ICA1: variants seen among roughly 807,000 people sequenced by gnomAD.
The protein encoded by ICA1 is 69 kDa islet cell autoantigen.
Under a neutral mutation model 71.0 loss-of-function variants are expected in ICA1, and 40 were observed. The ratio of observed to expected loss-of-function variants is 0.56; its 90% confidence interval spans 0.44 to 0.73. The LOEUF is 0.73. ICA1 is among the 30% of genes least tolerant of loss of function. ICA1 has a pLI of 0.00. For synonymous variants in ICA1, 207 were observed against 209.5 expected (o/e 0.99, Z 0.10); for missense variants, 578 against 576.5 (o/e 1.00, Z -0.03).
rs754151046 is a variant in ICA1, at chr7:8,158,533, T to C, written c.699A>G (p.Thr233=). Residue 233 remains threonine (T), a synonymous_variant, in exon 7 of 14, where the codon ACA becomes ACG. Transcript: ENST00000402384. ...ACAAACATTATTTTGTTACCTGGTA[T>C]GTTGCTAGCATGTGAGACAAGAGAT... ...RCNLLSHMLA[T]YQTTLLHFWE... The C allele has an allele frequency of 2.5e-6, 4 of 1,613,938 alleles. No individual in the cohort carries two copies. The highest frequency in any genetic ancestry group is 1.3e-5 in the African/African-American group (1 of 74,942).
chr7:8,232,805 G>A (rs770271145), intron 2 of ICA1, 50 bp from the exon 3 acceptor site: 38 of 1,416,330 alleles, frequency 2.7e-5, no homozygotes, highest in Non-Finnish European at 3.2e-5. Flanking sequence ...TAAAGATTAA[G>A]ATATTTTAGT....
intron 13 of ICA1, among the ~76,000 whole-genome samples, chr7:8,126,215 G>C (rs992979273): frequency 3.3e-5 from 5 of 152,228 alleles, no homozygotes; most frequent in African/African-American, 9.6e-5. Context: ...GAGGATCTGA[G>C]TGGGGTTCGT....
In ICA1 at chr7:8,247,950, C is replaced by G. The variant is rs1219898769; in HGVS notation, c.-79-11945G>C. Among the ~76,000 whole-genome samples, 3 of 152,154 alleles carry G rather than the reference C, an allele frequency of 2.0e-5. No homozygotes were observed. The East Asian group carries it at 5.8e-4, about 29-fold the overall frequency. ...ACCAGTTTTCAATACCTTGTTCTTT[C>G]ATACACTAAAACTTATCAGGCAGCA... On this transcript the variant is annotated intron_variant, in intron 1 of 13. Coordinates refer to ENST00000402384, the MANE Select transcript of ICA1 (RefSeq NM_001136020.3).
chr7:8,245,509 G>C (rs1805651019), intron 1 of ICA1, among the ~76,000 whole-genome samples: 1 of 152,054 alleles, frequency 6.6e-6, no homozygotes, highest in Admixed American at 6.5e-5. Flanking sequence ...GTATACTTAT[G>C]TAATGAGCCT....
At chr7:8,189,772 G>A (rs1322972089) in intron 6 of ICA1, among the ~76,000 whole-genome samples, 1 of 151,586 alleles carries the variant, frequency 6.6e-6, no homozygotes, top group Non-Finnish European at 1.5e-5. Context: ...AGTGTGGGGA[G>A]GGGGCTGGGC....
At chr7:8,190,344 G>A (rs1232363079) in intron 6 of ICA1, among the ~76,000 whole-genome samples, 2 of 151,990 alleles carry the variant, frequency 1.3e-5, no homozygotes, top group South Asian at 2.1e-4. Flanking sequence ...TCCAAGAGAT[G>A]ATCTCTTTCC....
At chr7:8,235,277 G>C (rs1433505509) in intron 2 of ICA1, among the ~76,000 whole-genome samples, 5 of 152,162 alleles carry the variant, frequency 3.3e-5, no homozygotes, top group Non-Finnish European at 7.4e-5. Flanking sequence ...CTGCTTGCTT[G>C]GTGGGTCATG....
chr7:8,131,911 G>A (rs1230674244), intron 12 of ICA1, among the ~76,000 whole-genome samples: 4 of 152,220 alleles, frequency 2.6e-5, no homozygotes, highest in African/African-American at 9.6e-5. Context: ...CTCCCAACTG[G>A]AGTCAGGGCT....
intron 6 of ICA1, among the ~76,000 whole-genome samples, chr7:8,172,435 T>A (rs758579901): frequency 2.0e-5 from 3 of 152,162 alleles, no homozygotes; most frequent in Non-Finnish European, 4.4e-5. Context: ...TATATTAATC[T>A]ATCCTTTTGT....
chr7:8,202,908 G>A (rs1790229857), intron 6 of ICA1, among the ~76,000 whole-genome samples: 2 of 152,178 alleles, frequency 1.3e-5, no homozygotes, highest in South Asian at 4.1e-4. Flanking sequence ...GGATTCCTTT[G>A]TGAACCTGTG....
intron 5 of ICA1, among the ~76,000 whole-genome samples, 200 bp downstream of exon 5, chr7:8,221,075 A>G (rs1267867810): frequency 6.6e-6 from 1 of 152,134 alleles, no homozygotes; most frequent in South Asian, 2.1e-4. Context: ...TTTTTAATTA[A>G]TAGGGAGGAA....
At chr7:8,194,252 T>A (rs1203622214) in intron 6 of ICA1, among the ~76,000 whole-genome samples, 2 of 152,132 alleles carry the variant, frequency 1.3e-5, no homozygotes, top group Non-Finnish European at 2.9e-5. Context: ...GATCCCTGAA[T>A]CAGAATCTTT....
chr7:8,167,675 TCTTTA>T (rs1323481425), intron 6 of ICA1, among the ~76,000 whole-genome samples: 2 of 152,154 alleles, frequency 1.3e-5, no homozygotes, highest in African/African-American at 4.8e-5. Flanking sequence ...AATTTTCTTC[TCTTTA>T]CTTTAATAAC....
chr7:8,205,278 G>A (rs929542536), intron 6 of ICA1, among the ~76,000 whole-genome samples: 4 of 152,116 alleles, frequency 2.6e-5, no homozygotes, highest in Admixed American at 2.6e-4. Context: ...CCTGGATGAG[G>A]AAGATATGCA....
At position 8,204,549 on chromosome 7, in the gene ICA1, A is replaced by G. The variant is rs766774813; in HGVS notation, c.579+13756T>C. On this transcript the variant is annotated intron_variant, in intron 6 of 13. Transcript: ENST00000402384. ...TTAAAGAGCTGCTACATCTATCTAC[A>G]AGGCAGAATGTTAGGGAAAACTCTA... Among the ~76,000 whole-genome samples the G allele has an allele frequency of 4.1e-4, 62 of 152,248 alleles. 1 individual carries two copies. The highest frequency in any genetic ancestry group is 7.8e-4 in the Admixed American group (12 of 15,290).
chr7:8,223,654 T>C lies in ICA1; in HGVS notation c.257-2256A>G, dbSNP rs1280670324. ...TCAGGTAACGCAAAAGGGCTGAGTGTGGTGGTTCACACCTGCAGTCCCAGC... is the reference window on the plus strand; with the variant it reads ...TCAGGTAACGCAAAAGGGCTGAGTGCGGTGGTTCACACCTGCAGTCCCAGC... On this transcript the variant is annotated intron_variant, in intron 4 of 13. Transcript: ENST00000402384. This position sits in a 1 kb window ranked among gnomAD's most constrained non-coding sequence, Gnocchi z 4.1. 6.5e-6 allele frequency: 1 copy of C among 153,156 alleles called. No homozygotes were observed. The highest frequency in any genetic ancestry group is 6.6e-5 in the Admixed American group (1 of 15,258). 9.5% of individuals were successfully genotyped at this position (153,156 alleles called of 1,614,324 possible). A position where few individuals can be genotyped will look rare whatever the true frequency, so the allele number is the denominator to read the frequency against.
At chr7:8,195,171 G>C (rs1301213948) in intron 6 of ICA1, among the ~76,000 whole-genome samples, 4 of 152,154 alleles carry the variant, frequency 2.6e-5, no homozygotes, top group Non-Finnish European at 5.9e-5. Flanking sequence ...ACAACAATGA[G>C]ATAATACATA....
intron 6 of ICA1, among the ~76,000 whole-genome samples, chr7:8,188,789 G>C (rs1353934710): frequency 6.6e-6 from 1 of 152,134 alleles, no homozygotes; most frequent in Admixed American, 6.5e-5. Context: ...GCTCCCTAGG[G>C]CAGAGAAGAA....
At chr7:8,213,288 C>A (rs912535589) in intron 6 of ICA1, among the ~76,000 whole-genome samples, 24 of 152,136 alleles carry the variant, frequency 1.6e-4, no homozygotes, top group Non-Finnish European at 2.6e-4. Context: ...AGCCCCCTAC[C>A]CTACCTCCTT....
Sources: gnomAD v4.1 joint callset for allele counts (sites outside exome capture counted in the v4.1 genomes callset) on GRCh38, gnomAD v4.1.1 for gene constraint, Gnocchi (gnomAD v3.1) non-coding constraint, MANE v1.5 for transcripts, NCBI Gene and HGNC (gene_info 2026-07-23, HGNC 2026-07-21) for gene names.